The following TENM2 variants were observed in gnomAD, a reference collection of about 807,000 sequenced individuals.
The protein encoded by TENM2 is teneurin-2.
Under a neutral mutation model 245.2 loss-of-function variants are expected in TENM2, and 52 were observed. The ratio of observed to expected loss-of-function variants is 0.21; its 90% confidence interval spans 0.17 to 0.27. The LOEUF (loss-of-function observed/expected upper bound fraction) is 0.27. Among genes scored for constraint, TENM2 ranks in the 10% least tolerant of loss-of-function variants. The pLI, the probability that TENM2 is intolerant of heterozygous loss-of-function variation, is 1.00. For missense variants in TENM2, 3,046 were observed against 3,666.8 expected (o/e 0.83, Z 4.37); for synonymous variants, 1,363 against 1,438.9 (o/e 0.95, Z 1.19).
intron 2 of TENM2, among the ~76,000 whole-genome samples, chr5:167,613,166 T>C (rs1777582123): frequency 6.6e-6 from 1 of 152,126 alleles, no homozygotes. Context: ...ATCGTGTGGG[T>C]TCAGACACTG....
chr5:167,862,420 T>C (rs1771907112), intron 2 of TENM2, among the ~76,000 whole-genome samples: 1 of 152,228 alleles, frequency 6.6e-6, no homozygotes, highest in African/African-American at 2.4e-5. Flanking sequence ...TTTTTAGCCA[T>C]AACTAAGCAA....
chr5:167,926,419 C>T (rs1282170061), intron 3 of TENM2, among the ~76,000 whole-genome samples: 7 of 152,006 alleles, frequency 4.6e-5, no homozygotes, highest in African/African-American at 1.7e-4. Context: ...TACAAAAGAG[C>T]AACAAGAAAG....
the TENM2 span, among the ~76,000 whole-genome samples, chr5:167,245,673 C>T: frequency 5.9e-5 from 9 of 151,984 alleles, no homozygotes; most frequent in African/African-American, 2.2e-4. Flanking sequence ...AATGGAAATG[C>T]TGAATGATCA....
intron 5 of TENM2, among the ~76,000 whole-genome samples, chr5:168,036,503 G>A (rs777522325): frequency 4.2e-4 from 63 of 151,760 alleles, no homozygotes; most frequent in Non-Finnish European, 6.0e-4. Flanking sequence ...GGGCATGGTG[G>A]TGGGTGCCTG....
At chr5:167,475,285 A>G (rs1022230500) in intron 2 of TENM2, among the ~76,000 whole-genome samples, 5 of 152,176 alleles carry the variant, frequency 3.3e-5, no homozygotes, top group Non-Finnish European at 7.3e-5. Flanking sequence ...GCTGCAAGGT[A>G]TCTTTACACT....
At chr5:168,133,544 A>G (rs145533687) in intron 12 of TENM2, among the ~76,000 whole-genome samples, 72 of 152,298 alleles carry the variant, frequency 4.7e-4, no homozygotes, top group African/African-American at 1.6e-3. Flanking sequence ...CCCATAATAT[A>G]CACTAAAGAC....
At chr5:167,094,279 A>C in the TENM2 span, among the ~76,000 whole-genome samples, 2 of 152,128 alleles carry the variant, frequency 1.3e-5, no homozygotes, top group African/African-American at 2.4e-5. Flanking sequence ...CCATCATCAT[A>C]ATAAATTCCA....
the TENM2 span, among the ~76,000 whole-genome samples, chr5:167,237,219 T>C: frequency 6.6e-6 from 1 of 152,234 alleles, no homozygotes; most frequent in Non-Finnish European, 1.5e-5. Flanking sequence ...TCATGACCCT[T>C]ATCCAAGTGC....
intron 2 of TENM2, among the ~76,000 whole-genome samples, chr5:167,758,629 C>A (rs1000725147): frequency 6.6e-6 from 1 of 152,138 alleles, no homozygotes. Flanking sequence ...AGCTCTAGAT[C>A]ATTGCATGTT....
the TENM2 span, among the ~76,000 whole-genome samples, chr5:167,217,060 A>G: frequency 1.3e-5 from 2 of 152,236 alleles, no homozygotes; most frequent in African/African-American, 4.8e-5. Flanking sequence ...GGTCATCAAA[A>G]TGTATAACAT....
At chr5:167,291,495 T>C (rs2127719999) in intron 1 of TENM2, among the ~76,000 whole-genome samples, 1 of 152,352 alleles carries the variant, frequency 6.6e-6, no homozygotes, top group South Asian at 2.1e-4. Flanking sequence ...TCACATTTTC[T>C]CATTTGGTAA....
intron 3 of TENM2, among the ~76,000 whole-genome samples, chr5:167,934,643 C>T (rs567107370): frequency 6.6e-6 from 1 of 152,270 alleles, no homozygotes; most frequent in East Asian, 1.9e-4. Flanking sequence ...ATGTCGAGAG[C>T]CTTTGGGTAT....
At chr5:168,203,989 A>G (rs1233893699) in intron 18 of TENM2, among the ~76,000 whole-genome samples, 157 bp downstream of exon 20, 1 of 151,152 alleles carries the variant, frequency 6.6e-6, no homozygotes, top group African/African-American at 2.4e-5. Flanking sequence ...TTCTTCTTTT[A>G]TTATTTTTTT....
the TENM2 span, among the ~76,000 whole-genome samples, chr5:167,092,806 T>C: frequency 6.6e-6 from 1 of 152,128 alleles, no homozygotes; most frequent in Non-Finnish European, 1.5e-5. Context: ...AGGGCAAAAG[T>C]TCTCTAGAAA....
At chr5:167,536,647 A>T (rs535509445) in intron 2 of TENM2, among the ~76,000 whole-genome samples, 1 of 152,116 alleles carries the variant, frequency 6.6e-6, no homozygotes, top group South Asian at 2.1e-4. Flanking sequence ...CAGGCAACAA[A>T]CAGGTAGAAC....
chr5:168,009,095 G>T (rs2152069790), intron 5 of TENM2, among the ~76,000 whole-genome samples: 1 of 152,282 alleles, frequency 6.6e-6, no homozygotes, highest in East Asian at 1.9e-4. Context: ...TGCAAATTCT[G>T]CGAACCAAGA....
chr5:167,850,325 G>C (rs1230035115), intron 2 of TENM2, among the ~76,000 whole-genome samples: 1 of 152,118 alleles, frequency 6.6e-6, no homozygotes. Context: ...TACTTTCTGA[G>C]CTACCACAAG....
intron 3 of TENM2, among the ~76,000 whole-genome samples, chr5:167,943,874 T>C (rs563022444): frequency 6.6e-5 from 10 of 152,280 alleles, no homozygotes; most frequent in African/African-American, 2.4e-4. Context: ...GAGGCCAAAA[T>C]ACCTAGGGTA....
chr5:167,836,539 C>T (rs1183249129), intron 2 of TENM2, among the ~76,000 whole-genome samples: 1 of 152,120 alleles, frequency 6.6e-6, no homozygotes, highest in Non-Finnish European at 1.5e-5. Flanking sequence ...TGCTTTGTAG[C>T]TACCTGACAA....
Sources: allele counts gnomAD v4.1 joint callset (sites outside exome capture counted in the v4.1 genomes callset), GRCh38; gene constraint gnomAD v4.1.1; transcripts MANE v1.5; gene names NCBI Gene and HGNC (gene_info 2026-07-23, HGNC 2026-07-21).